PPP2R2B: variants seen among roughly 807,000 people sequenced by gnomAD.
PPP2R2B encodes serine/threonine-protein phosphatase 2A 55 kDa regulatory subunit B beta isoform.
PPP2R2B carries 5 observed loss-of-function variants against 46.0 expected under a neutral mutation model. That is an observed-to-expected ratio of 0.11 (90% CI 0.06 to 0.23). The LOEUF (loss-of-function observed/expected upper bound fraction) is 0.23. PPP2R2B is among the 10% of genes least tolerant of loss of function. The pLI is 1.00. For missense variants in PPP2R2B, 367 were observed against 575.0 expected (o/e 0.64, Z 3.70); for synonymous variants, 215 against 206.7 (o/e 1.04, Z -0.34).
chr5:146,702,056 TAAA>T (rs3062308), intron 2 of PPP2R2B, among the ~76,000 whole-genome samples: 12 of 129,974 alleles, frequency 9.2e-5, no homozygotes, highest in Admixed American at 1.5e-4. Context: ...GCAAATGAGT[TAAA>T]AAAAAAAAAA....
intron 1 of PPP2R2B, among the ~76,000 whole-genome samples, chr5:147,044,267 G>T (rs894845307): frequency 2.0e-5 from 3 of 152,058 alleles, no homozygotes; most frequent in African/African-American, 7.2e-5. Context: ...AAAGACTTAG[G>T]CATACTTGGC....
chr5:146,850,688 C>T (rs181016458), intron 2 of PPP2R2B, among the ~76,000 whole-genome samples: 1 of 152,268 alleles, frequency 6.6e-6, no homozygotes, highest in African/African-American at 2.4e-5. Context: ...GTCCAATAAT[C>T]CTCTTATTAC....
At chr5:147,049,918 G>T (rs1332580020) in intron 1 of PPP2R2B, among the ~76,000 whole-genome samples, 2 of 152,170 alleles carry the variant, frequency 1.3e-5, no homozygotes, top group African/African-American at 2.4e-5. Flanking sequence ...AGAGGAGCAG[G>T]TGATGGGGCA....
chr5:146,970,076 C>A (rs1165802495), intron 1 of PPP2R2B, among the ~76,000 whole-genome samples: 1 of 152,162 alleles, frequency 6.6e-6, no homozygotes, highest in Non-Finnish European at 1.5e-5. Flanking sequence ...CAGCACCATC[C>A]ACCCTCTTTA....
intron 5 of PPP2R2B, among the ~76,000 whole-genome samples, chr5:146,668,810 T>C (rs1777167585): frequency 6.6e-6 from 1 of 152,196 alleles, no homozygotes; most frequent in African/African-American, 2.4e-5. Context: ...TCTGTACTGC[T>C]TTCTGACCTC....
At chr5:146,958,826 T>G (rs561084051) in intron 1 of PPP2R2B, among the ~76,000 whole-genome samples, 111 of 152,322 alleles carry the variant, frequency 7.3e-4, no homozygotes, top group African/African-American at 2.6e-3. Context: ...CTTAGCTCTT[T>G]GTATGTATTA....
chr5:146,777,714 A>G (rs1755271696), intron 2 of PPP2R2B, among the ~76,000 whole-genome samples: 1 of 152,208 alleles, frequency 6.6e-6, no homozygotes, highest in Non-Finnish European at 1.5e-5. Flanking sequence ...TATGACATAT[A>G]CAAAACCATT....
At chr5:146,911,637 A>G (rs59243961) in intron 1 of PPP2R2B, among the ~76,000 whole-genome samples, 3,917 of 152,296 alleles carry the variant, frequency 0.026, 152 homozygotes, top group African/African-American at 0.071. Context: ...ACTTCTTCAC[A>G]TGGGAGACTA....
intron 2 of PPP2R2B, chr5:146,751,262 T>A (rs1260457507): frequency 6.6e-6 from 1 of 152,268 alleles, no homozygotes; most frequent in Non-Finnish European, 1.5e-5. Context: ...TGCAGAGCTC[T>A]ACTTCCGGGC....
At chr5:147,058,230 G>A (rs1222384988), upstream of PPP2R2B, among the ~76,000 whole-genome samples, 1 of 152,146 alleles carries the variant, frequency 6.6e-6, no homozygotes, top group African/African-American at 2.4e-5. Context: ...CTTTTTATGT[G>A]GACGTGAAGG....
intron 2 of PPP2R2B, among the ~76,000 whole-genome samples, chr5:146,742,176 C>T (rs190088953): frequency 6.6e-6 from 1 of 152,204 alleles, no homozygotes; most frequent in Non-Finnish European, 1.5e-5. Flanking sequence ...TGCTGTGATA[C>T]TGCAGGAAAT....
chr5:146,635,696 G>A (rs913145209), intron 7 of PPP2R2B, among the ~76,000 whole-genome samples: 2 of 152,206 alleles, frequency 1.3e-5, no homozygotes, highest in Admixed American at 6.5e-5. Flanking sequence ...CAGCATGTCC[G>A]GTACTGAGTC....
intron 1 of PPP2R2B, among the ~76,000 whole-genome samples, chr5:146,963,128 T>C (rs1182079208): frequency 1.3e-5 from 2 of 152,232 alleles, no homozygotes; most frequent in African/African-American, 4.8e-5. Flanking sequence ...CTCTTTGCTT[T>C]GCTTCCCATT....
intron 5 of PPP2R2B, among the ~76,000 whole-genome samples, chr5:146,657,510 A>G (rs1776411591): frequency 6.6e-6 from 1 of 152,232 alleles, no homozygotes; most frequent in Non-Finnish European, 1.5e-5. Context: ...ACGTACAAGC[A>G]TAATCAATTA....
chr5:146,583,107 G>C lies in PPP2R2B; in HGVS notation c.*6840C>G, dbSNP rs540932545. ...TAGCATATGCTGTTTTGCCTCCACT[G>C]TCCTATCCTGATGTCTGGAATATGC... On this transcript the variant is annotated 3_prime_UTR_variant, in exon 10 of 10. Coordinates refer to ENST00000394411, the MANE Select transcript of PPP2R2B (RefSeq NM_181675.4). The C allele has an allele frequency of 6.6e-6, 1 of 152,028 alleles. No individual in the cohort carries two copies. The highest frequency in any genetic ancestry group is 1.9e-4 in the East Asian group (1 of 5,178). 9.4% of individuals were successfully genotyped at this position (152,028 alleles called of 1,614,324 possible). A position where few individuals can be genotyped will look rare whatever the true frequency, so the allele number is the denominator to read the frequency against.
rs556640917 is a variant in PPP2R2B at position 146,904,257 on chromosome 5, G to A, written c.79+151408C>T. Among the ~76,000 whole-genome samples, 4 of 152,288 alleles carry A rather than the reference G, an allele frequency of 2.6e-5. No homozygotes were observed. The South Asian group carries it at 8.3e-4, about 32-fold the overall frequency. ...GATCAAAATCTTGCCTTTAAATACT[G>A]ATCCACAGTTCCTAAAAGTATGAAA... On this transcript the variant is annotated intron_variant, in intron 1 of 8. Coordinates refer to the PPP2R2B transcript ENST00000336640.
chr5:147,051,376 T>G (rs918241627), intron 1 of PPP2R2B, among the ~76,000 whole-genome samples: 1 of 152,142 alleles, frequency 6.6e-6, no homozygotes, highest in African/African-American at 2.4e-5. Flanking sequence ...ACACAGCCAG[T>G]GGTCCACAGG....
At chr5:146,692,859 A>G (rs1159266382) in intron 4 of PPP2R2B, among the ~76,000 whole-genome samples, 2 of 152,170 alleles carry the variant, frequency 1.3e-5, no homozygotes, top group Non-Finnish European at 2.9e-5. Context: ...AGGAGACAAG[A>G]TCAGGCAAAC....
chr5:146,921,758 C>T (rs927425262), intron 1 of PPP2R2B, among the ~76,000 whole-genome samples: 11 of 152,158 alleles, frequency 7.2e-5, no homozygotes, highest in African/African-American at 2.7e-4. Flanking sequence ...TACCTGTACA[C>T]ATTCCACACC....
Sources: gnomAD v4.1 joint callset for allele counts (sites outside exome capture counted in the v4.1 genomes callset) on GRCh38, gnomAD v4.1.1 for gene constraint, MANE v1.5 for transcripts, NCBI Gene and HGNC (gene_info 2026-07-23, HGNC 2026-07-21) for gene names.